The following SLCO6A1 variants were observed in gnomAD, a reference collection of about 807,000 sequenced individuals.
The protein encoded by SLCO6A1 is cancer/testis antigen 48.
SLCO6A1 carries 65 observed loss-of-function variants against 72.7 expected under a neutral mutation model. That is an observed-to-expected ratio of 0.89 (90% CI 0.73 to 1.10). The LOEUF (loss-of-function observed/expected upper bound fraction) is 1.10. SLCO6A1 is among the 50% of genes least tolerant of loss of function. The probability of loss-of-function intolerance (pLI) is 0.00; values close to 1 mark genes in which losing one functional copy is unlikely to be tolerated. For missense variants in SLCO6A1, 874 were observed against 872.6 expected (o/e 1.00, Z -0.02); for synonymous variants, 314 against 298.2 (o/e 1.05, Z -0.55).
In SLCO6A1 at chr5:102,409,251, A is replaced by G. The variant is rs889119715; in HGVS notation, c.1626+3739T>C. Among the ~76,000 whole-genome samples, 8 of 152,166 alleles carry G rather than the reference A, an allele frequency of 5.3e-5. 1 individual carries two copies. Among genetic ancestry groups the G allele is most frequent in the Non-Finnish European group, 1.0e-4 (7 of 68,018 alleles). ...GAAACCTAAAAATCGTTAGAGGTATAGTATTTCCTACTACTCCTCTCACAA... is the reference window on the plus strand; with the variant it reads ...GAAACCTAAAAATCGTTAGAGGTATGGTATTTCCTACTACTCCTCTCACAA... On this transcript the variant is annotated intron_variant, in intron 9 of 13. Coordinates refer to ENST00000506729, the MANE Select transcript of SLCO6A1 (RefSeq NM_173488.5).
intron 1 of SLCO6A1, among the ~76,000 whole-genome samples, chr5:102,482,562 C>A (rs540876730): frequency 1.3e-5 from 2 of 152,222 alleles, no homozygotes; most frequent in East Asian, 3.9e-4. Context: ...TGTCTACTAC[C>A]ACGAGTCTTA....
intron 6 of SLCO6A1, among the ~76,000 whole-genome samples, chr5:102,445,113 T>C (rs931459619): frequency 1.2e-4 from 19 of 152,218 alleles, no homozygotes; most frequent in Non-Finnish European, 5.9e-5. Flanking sequence ...GGTCAAATGG[T>C]AGTTCTGTTT....
intron 1 of SLCO6A1, among the ~76,000 whole-genome samples, chr5:102,483,462 C>T (rs760890159): frequency 6.6e-6 from 1 of 152,178 alleles, no homozygotes; most frequent in Non-Finnish European, 1.5e-5. Flanking sequence ...CAATAGCACA[C>T]ACTTTTCCTT....
chr5:102,432,230 T>C (rs1280758971), intron 7 of SLCO6A1, among the ~76,000 whole-genome samples: 1 of 152,196 alleles, frequency 6.6e-6, no homozygotes, highest in East Asian at 1.9e-4. Flanking sequence ...TTTAACCCAT[T>C]TACATTCAAG....
intron 4 of SLCO6A1, among the ~76,000 whole-genome samples, chr5:102,473,565 A>G (rs926708368): frequency 1.3e-5 from 2 of 152,016 alleles, no homozygotes; most frequent in African/African-American, 4.8e-5. Context: ...GAACAAGTCC[A>G]TAGTTTGTTC....
intron 4 of SLCO6A1, among the ~76,000 whole-genome samples, chr5:102,467,574 C>A (rs997392451): frequency 6.6e-6 from 1 of 152,082 alleles, no homozygotes; most frequent in Admixed American, 6.6e-5. Context: ...CTGCCCTTAT[C>A]ATGTGGGGGT....
chr5:102,430,320 G>A (rs1749145280), intron 7 of SLCO6A1, among the ~76,000 whole-genome samples: 1 of 151,986 alleles, frequency 6.6e-6, no homozygotes, highest in Non-Finnish European at 1.5e-5. Flanking sequence ...GATTGTTCTG[G>A]GCTGGACTTC....
chr5:102,397,913 TGA>T (rs1367482795), intron 10 of SLCO6A1, among the ~76,000 whole-genome samples: 1 of 152,176 alleles, frequency 6.6e-6, no homozygotes, highest in African/African-American at 2.4e-5. Flanking sequence ...GTCTTGTTAT[TGA>T]GAGAAGTGAG....
chr5:102,453,710 A>G (rs1247084605), intron 6 of SLCO6A1, among the ~76,000 whole-genome samples: 1 of 152,020 alleles, frequency 6.6e-6, no homozygotes, highest in Non-Finnish European at 1.5e-5. Context: ...TTCTATTTTT[A>G]ATTATTTTCC....
At position 102,475,694 on chromosome 5, in the gene SLCO6A1, T is replaced by G; in HGVS notation, c.899+3A>C. 1 of 1,589,864 alleles carries G rather than the reference T, an allele frequency of 6.3e-7. No individual in the cohort carries two copies. Among genetic ancestry groups the G allele is most frequent in the African/African-American group, 1.3e-5 (1 of 74,274 alleles). ...AACAAAAAAAGAAAAAATAATGCCT[T>G]ACTTTGTTGCAGAAGTAGTATTCTC... On this transcript the variant is annotated splice_donor_region_variant and intron_variant, in intron 4 of 13. Coordinates refer to ENST00000506729, the MANE Select transcript of SLCO6A1 (RefSeq NM_173488.5).
chr5:102,442,544 T>C (rs2112693590), intron 6 of SLCO6A1, among the ~76,000 whole-genome samples: 1 of 152,304 alleles, frequency 6.6e-6, no homozygotes, highest in East Asian at 1.9e-4. Flanking sequence ...GATTACGAGA[T>C]TTGTTGTTTG....
chr5:102,439,617 T>C (rs1271037240), intron 6 of SLCO6A1, among the ~76,000 whole-genome samples: 1 of 152,128 alleles, frequency 6.6e-6, no homozygotes, highest in African/African-American at 2.4e-5. Flanking sequence ...TATTAAATAC[T>C]TGTCTTGCCT....
At chr5:102,463,643 T>G (rs917534494) in intron 4 of SLCO6A1, among the ~76,000 whole-genome samples, 2 of 152,010 alleles carry the variant, frequency 1.3e-5, no homozygotes, top group Non-Finnish European at 2.9e-5. Context: ...TCCCAGCACT[T>G]TGGGAGGCCG....
At chr5:102,374,618 CATT>C (rs1296906971) in intron 12 of SLCO6A1, among the ~76,000 whole-genome samples, 1 of 152,076 alleles carries the variant, frequency 6.6e-6, no homozygotes. Context: ...AAAAAGGAAA[CATT>C]AATGATTCTA....
In SLCO6A1 at chr5:102,419,969, A is replaced by G. The variant is rs1332817709; in HGVS notation, c.1329T>C (p.Ile443=). The change falls in exon 8 of 14, where the codon ATT becomes ATC. Residue 443 remains isoleucine, a synonymous_variant. Transcript: ENST00000506729. ...TACAAGACATTTCTAATGTGGAAAC[A>G]ATGACACCTCCCAGAAGCTGGCCAA... ...GALGQLLGGV[I]VSTLEMSCKA... is the part of the protein sequence containing the mutation. The G allele has an allele frequency of 2.5e-6, 4 of 1,599,894 alleles. No homozygotes were observed. Among genetic ancestry groups the G allele is most frequent in the Non-Finnish European group, 2.6e-6 (3 of 1,176,124 alleles).
chr5:102,419,615 G>A (rs777493621), intron 8 of SLCO6A1, among the ~76,000 whole-genome samples: 1 of 151,914 alleles, frequency 6.6e-6, no homozygotes, highest in Admixed American at 6.6e-5. Context: ...ATTACTTTAC[G>A]AATGCATAAA....
chr5:102,475,751 T>C lies in SLCO6A1; in HGVS notation c.845A>G (p.Tyr282Cys). 1 of 1,609,616 alleles carries C rather than the reference T, an allele frequency of 6.2e-7. No homozygotes were observed. Among genetic ancestry groups the C allele is most frequent in the Non-Finnish European group, 8.5e-7 (1 of 1,177,650 alleles). ...TTTAACTAGTGGTGCTCCTAGCACATAACCCAGAGCATATCCAATCATTGA... is the reference window on the plus strand; with the variant it reads ...TTTAACTAGTGGTGCTCCTAGCACACAACCCAGAGCATATCCAATCATTGA... ...CTSMIGYALG[Y>C]VLGAPLVKVP... The change falls in exon 4 of 14, where the codon TAT becomes TGT. Residue 282 changes from tyrosine (Y) to cysteine (C), a missense_variant. Physicochemically the swap from Tyr to Cys is radical, Grantham distance 194 (BLOSUM62 -2). Transcript: ENST00000506729.
intron 6 of SLCO6A1, among the ~76,000 whole-genome samples, chr5:102,439,384 C>T (rs534665890): frequency 6.6e-6 from 1 of 152,086 alleles, no homozygotes; most frequent in Admixed American, 6.5e-5. Flanking sequence ...AAAATATTAA[C>T]TTTCAAATTA....
At chr5:102,395,264 C>G (rs1378857761) in intron 10 of SLCO6A1, among the ~76,000 whole-genome samples, 1 of 150,294 alleles carries the variant, frequency 6.7e-6, no homozygotes, top group Admixed American at 6.7e-5. Context: ...TTGTTCAATT[C>G]CCACCTATGA....
Sources: gnomAD v4.1 joint callset for allele counts (sites outside exome capture counted in the v4.1 genomes callset) on GRCh38, gnomAD v4.1.1 for gene constraint, MANE v1.5 for transcripts, NCBI Gene and HGNC (gene_info 2026-07-23, HGNC 2026-07-21) for gene names.